Variants in PTDSS1 observed in about 807,000 individuals in gnomAD.
PTDSS1 encodes the protein PSS-1.
Under a neutral mutation model 70.5 loss-of-function variants are expected in PTDSS1, and 45 were observed. The ratio of observed to expected loss-of-function variants is 0.64; its 90% CI spans 0.50 to 0.82. The LOEUF is 0.82. PTDSS1 is among the 40% of genes least tolerant of loss of function. PTDSS1 has a pLI of 0.00. For missense variants in PTDSS1, 417 were observed against 586.1 expected (o/e 0.71, Z 2.98); for synonymous variants, 188 against 203.8 (o/e 0.92, Z 0.66).
intron 1 of PTDSS1, among the ~76,000 whole-genome samples, chr8:96,266,370 AGACTGATTGATT>A (rs1187135443): frequency 6.6e-6 from 1 of 152,248 alleles, no homozygotes; most frequent in Non-Finnish European, 1.5e-5. Context: ...GGAAATGGAC[AGACTGATTGATT>A]GACTGATTGA....
At chr8:96,282,807 C>T (rs1563566090) in intron 2 of PTDSS1, among the ~76,000 whole-genome samples, 1 of 152,206 alleles carries the variant, frequency 6.6e-6, no homozygotes, top group East Asian at 1.9e-4. Context: ...CAGAAGCTGA[C>T]TGTGCTTATT....
chr8:96,331,934 CA>C (rs1357998210), intron 12 of PTDSS1, among the ~76,000 whole-genome samples: 3 of 140,866 alleles, frequency 2.1e-5, no homozygotes, highest in Non-Finnish European at 3.0e-5. Context: ...CCTGTAGTTA[CA>C]GCTAGTCAGG....
rs1433735418 is a variant in PTDSS1, at chr8:96,336,192, T to C, written c.*2626T>C. 5.3e-5 allele frequency: 8 copies of C among 152,044 alleles called. No homozygotes were observed. Among genetic ancestry groups the C allele is most frequent in the Non-Finnish European group, 8.8e-5 (6 of 68,052 alleles). 9.4% of individuals were successfully genotyped at this position (152,044 alleles called of 1,614,324 possible). A position where few individuals can be genotyped will look rare whatever the true frequency, so the allele number is the denominator to read the frequency against. On this transcript the variant is annotated 3_prime_UTR_variant, in exon 13 of 13. Transcript: ENST00000517309. ...CATCCTATCAATGCCAGTCTTATTTTCGCTAGGACTCTGCTTCCACAGTAA... is the reference window on the plus strand; with the variant it reads ...CATCCTATCAATGCCAGTCTTATTTCCGCTAGGACTCTGCTTCCACAGTAA...
intron 5 of PTDSS1, among the ~76,000 whole-genome samples, chr8:96,296,005 A>AT (rs1455596946): frequency 6.7e-6 from 1 of 150,078 alleles, no homozygotes; most frequent in East Asian, 2.0e-4. Flanking sequence ...CTTTTGGAGC[A>AT]TTTTTTTCAG....
intron 1 of PTDSS1, among the ~76,000 whole-genome samples, chr8:96,268,937 A>AC (rs1330043814): frequency 6.6e-6 from 1 of 152,108 alleles, no homozygotes; most frequent in Non-Finnish European, 1.5e-5. Flanking sequence ...CATTCTTGCC[A>AC]CCTACTATGG....
At chr8:96,318,319 A>G (rs1236713168) in intron 9 of PTDSS1, among the ~76,000 whole-genome samples, 2 of 115,698 alleles carry the variant, frequency 1.7e-5, no homozygotes, top group East Asian at 2.0e-4. Flanking sequence ...GCTAGACTCT[A>G]TTTAAAAAAA....
chr8:96,284,109 G>A lies in PTDSS1; in HGVS notation c.272G>A (p.Gly91Asp). 1 of 1,608,398 alleles carries A rather than the reference G, an allele frequency of 6.2e-7. No individual in the cohort carries two copies. Among genetic ancestry groups the A allele is most frequent in the Non-Finnish European group, 8.5e-7 (1 of 1,175,626 alleles). The change falls in exon 3 of 13, where the codon GGT becomes GAT. Residue 91 changes from glycine to aspartate, a missense_variant and splice_region_variant. Physicochemically the swap from Gly to Asp is moderately conservative, Grantham distance 94. This residue lies in a region of PTDSS1 where 272 missense variants were observed against 429.5 expected (regional missense o/e 0.63). Coordinates refer to ENST00000517309, the MANE Select transcript of PTDSS1 (RefSeq NM_014754.3). Reference sequence around the variant, plus strand: ...ACTTTATAATGTTATTTATCTGCAGGTCCGTTCACTCGACCTCATCCAGCC... The same window carrying A: ...ACTTTATAATGTTATTTATCTGCAGATCCGTTCACTCGACCTCATCCAGCC... ...LIISVLAFPN[G>D]PFTRPHPALW...
intron 4 of PTDSS1, among the ~76,000 whole-genome samples, chr8:96,291,495 T>C (rs1810903262): frequency 6.6e-6 from 1 of 151,350 alleles, no homozygotes; most frequent in South Asian, 2.1e-4. Flanking sequence ...CAGTGAACAG[T>C]ACGCAGTGAG....
Position 96,320,326 on chromosome 8 carries a change from T to C in PTDSS1, c.1154T>C (p.Val385Ala), listed in dbSNP as rs767365710. ...LFSKTQILYVVLWLLCVAFTT... is the reference protein window; with the variant it reads ...LFSKTQILYVALWLLCVAFTT... ...TCTAAGACCCAAATACTCTATGTTGTGCTTTGGCTTCTTTGCGTGGTAAGT... is the reference window on the plus strand; with the variant it reads ...TCTAAGACCCAAATACTCTATGTTGCGCTTTGGCTTCTTTGCGTGGTAAGT... Residue 385 changes from valine to alanine, a missense_variant, in exon 10 of 13, where the codon GTG (valine) becomes GCG (alanine). By Grantham distance (64) the Val-to-Ala change is moderately conservative. Transcript: ENST00000517309. The C allele has an allele frequency of 2.5e-6, 4 of 1,611,512 alleles. No individual in the cohort carries two copies. Among genetic ancestry groups the C allele is most frequent in the Non-Finnish European group, 3.4e-6 (4 of 1,177,636 alleles).
intron 9 of PTDSS1, among the ~76,000 whole-genome samples, chr8:96,310,371 G>A (rs778025739): frequency 1.3e-5 from 2 of 151,450 alleles, no homozygotes; most frequent in African/African-American, 2.4e-5. Flanking sequence ...CACCGTGTTG[G>A]TCAGGCTGGT....
At chr8:96,302,448 AG>A (rs1197021770) in intron 6 of PTDSS1, among the ~76,000 whole-genome samples, 1 of 152,184 alleles carries the variant, frequency 6.6e-6, no homozygotes, top group East Asian at 1.9e-4. Flanking sequence ...ATCAGTCCTG[AG>A]GGTAGACACT....
At chr8:96,280,451 T>C (rs560305095) in intron 2 of PTDSS1, among the ~76,000 whole-genome samples, 2 of 152,108 alleles carry the variant, frequency 1.3e-5, no homozygotes, top group South Asian at 4.2e-4. Context: ...GAATCTGGGA[T>C]ACAAAGCCTG....
rs1373990657 is a variant in PTDSS1 at position 96,262,045 on chromosome 8, C to A, written c.5C>A (p.Ala2Glu). The change falls in exon 1 of 13, where the codon GCG becomes GAG. Residue 2 changes from alanine to glutamate, a missense_variant. By Grantham distance (107) the Ala-to-Glu change is moderately radical. Around this residue, in one of 3 missense-constraint regions of PTDSS1, gnomAD observed 38 missense variants for 34.3 expected, o/e 1.11. Transcript: ENST00000517309. The surrounding 1 kb of genome is among the most constrained non-coding windows in gnomAD (Gnocchi z 4.4). Reference protein sequence around the residue: MASCVGSRTLSK... With the variant: MESCVGSRTLSK... ...GGCAGGACGGGGAGGCGGGCCATGG[C>A]GTCCTGCGTGGGGAGCCGGACCCTA... is the stretch of plus-strand genomic sequence containing the variant. 1.2e-6 allele frequency: 2 copies of A among 1,611,538 alleles called. No individual in the cohort carries two copies. The highest frequency in any genetic ancestry group is 4.5e-5 in the East Asian group (2 of 44,742).
At chr8:96,310,149 A>G (rs917376038) in intron 9 of PTDSS1, among the ~76,000 whole-genome samples, 9 of 150,956 alleles carry the variant, frequency 6.0e-5, no homozygotes, top group Non-Finnish European at 1.2e-4. Context: ...ACAAACAGAC[A>G]AAAAGAAATG....
At chr8:96,293,453 C>T (rs533666183) in intron 4 of PTDSS1, among the ~76,000 whole-genome samples, 1 of 151,756 alleles carries the variant, frequency 6.6e-6, no homozygotes, top group Non-Finnish European at 1.5e-5. Flanking sequence ...GTCCACTTGA[C>T]CCCCTTTCCA....
At chr8:96,281,846 G>A (rs922915332) in intron 2 of PTDSS1, among the ~76,000 whole-genome samples, 9 of 152,154 alleles carry the variant, frequency 5.9e-5, no homozygotes, top group Admixed American at 2.6e-4. Context: ...CCCCGGGCAG[G>A]TTCCTCTGCC....
At chr8:96,322,450 AC>A (rs1186257006) in intron 10 of PTDSS1, among the ~76,000 whole-genome samples, 3 of 151,952 alleles carry the variant, frequency 2.0e-5, no homozygotes, top group Non-Finnish European at 4.4e-5. Flanking sequence ...GGCCGGACTT[AC>A]CCTTCTTATC....
At chr8:96,305,505 C>G (rs1026782725) in intron 7 of PTDSS1, among the ~76,000 whole-genome samples, 4 of 152,152 alleles carry the variant, frequency 2.6e-5, no homozygotes, top group South Asian at 2.1e-4. Context: ...TGCTACTCAT[C>G]ATGATGAACT....
intron 7 of PTDSS1, among the ~76,000 whole-genome samples, chr8:96,306,126 G>A (rs527599493): frequency 6.6e-6 from 1 of 152,252 alleles, no homozygotes; most frequent in Non-Finnish European, 1.5e-5. Context: ...TTTCTCTCCC[G>A]ACTATCCCAG....
Sources: allele counts gnomAD v4.1 joint callset (sites outside exome capture counted in the v4.1 genomes callset), GRCh38; gene constraint gnomAD v4.1.1; regional missense constraint gnomAD v4.1.1; non-coding constraint Gnocchi (gnomAD v3.1); transcripts MANE v1.5; gene names NCBI Gene and HGNC (gene_info 2026-07-23, HGNC 2026-07-21).